Variants in GRAMD2A observed in about 807,000 individuals in gnomAD.
The protein encoded by GRAMD2A is GRAM domain-containing protein 2A.
GRAMD2A carries 37 observed loss-of-function variants against 51.1 expected under a neutral mutation model. The observed-to-expected ratio is 0.72, with a 90% confidence interval of 0.56 to 0.95. The LOEUF (loss-of-function observed/expected upper bound fraction) is 0.95. Among genes scored for constraint, GRAMD2A ranks in the 40% least tolerant of loss-of-function variants. The pLI is 0.00. For missense variants in GRAMD2A, 414 were observed against 426.9 expected (o/e 0.97, Z 0.27); for synonymous variants, 136 against 157.1 (o/e 0.87, Z 1.01).
chr15:72,188,722 G>A (rs760609055), intron 1 of GRAMD2A, among the ~76,000 whole-genome samples: 6 of 151,020 alleles, frequency 4.0e-5, no homozygotes, highest in Middle Eastern at 3.2e-3. Flanking sequence ...TTGCTCTGTC[G>A]CCCAAGGTGG....
rs750593494 is a variant in GRAMD2A, at chr15:72,163,621, G to A, written c.737C>T (p.Pro246Leu). 5.6e-5 allele frequency: 89 copies of A among 1,596,776 alleles called. No individual in the cohort carries two copies. Among genetic ancestry groups the A allele is most frequent in the Non-Finnish European group, 7.2e-5 (85 of 1,174,194 alleles). The change falls in exon 9 of 12, where the codon CCA (proline) becomes CTA (leucine). Residue 246 changes from proline to leucine, a missense_variant. Coordinates refer to ENST00000309731, the MANE Select transcript of GRAMD2A (RefSeq NM_001012642.3). ...AGCCCTCCCGAACTTACCAGACATT[G>A]GAGGCTTCCTGGAGGGGAAGAAACT... ...TDSFFPSRKP[P>L]MSEKSRAQVA...
In GRAMD2A at chr15:72,161,717, T is replaced by C; in HGVS notation, c.*292A>G. On this transcript the variant is annotated 3_prime_UTR_variant, in exon 12 of 12. Coordinates refer to ENST00000309731, the MANE Select transcript of GRAMD2A (RefSeq NM_001012642.3). ...GACCCAGTTTGTTTGTTTGTTTGTT[T>C]TCTCTAAGTGTTTGCTGAAGCTTTG... 1 of 412,438 alleles carries C rather than the reference T, an allele frequency of 2.4e-6. No individual in the cohort carries two copies. The highest frequency in any genetic ancestry group is 4.5e-6 in the Non-Finnish European group (1 of 221,890). The allele number at this position is 412,438 out of a possible 1,614,324, so 25.5% of individuals were successfully genotyped here. A position where few individuals can be genotyped will look rare whatever the true frequency, so the allele number is the denominator to read the frequency against.
intron 5 of GRAMD2A, 133 bp from the exon 6 acceptor site, chr15:72,167,225 T>A: frequency 1.5e-6 from 1 of 687,826 alleles, no homozygotes; most frequent in Non-Finnish European, 2.6e-6. Flanking sequence ...GGGAAGTCTC[T>A]GAACCTTCTA....
Position 72,168,525 on chromosome 15 carries a change from A to G in GRAMD2A, c.234T>C (p.Phe78=), listed in dbSNP as rs138373510. ...NKYNQQYHKL[F]KDVPLEEVVL... ...CCACTTCCTCCAAGGGAACATCCTT[A>G]AACAGCTTGTGGTATTGCTGGTTGT... The change falls in exon 4 of 12, where the codon TTT becomes TTC. Residue 78 remains phenylalanine (F), a synonymous_variant. Coordinates refer to ENST00000309731, the MANE Select transcript of GRAMD2A (RefSeq NM_001012642.3). 88 of 1,613,884 alleles carry G rather than the reference A, an allele frequency of 5.5e-5. No individual in the cohort carries two copies. In the African/African-American group the frequency reaches 1.0e-3, roughly 19 times the overall value.
rs1269127188 is a variant in GRAMD2A, at chr15:72,170,028, G to T, written c.42-89C>A. ...CACCATGCCCATGGCCGCTGCCTCT[G>T]GCCCCCACCCAAGACTGGCCCTGAT... On this transcript the variant is annotated intron_variant, in intron 1 of 11. Transcript: ENST00000309731. The surrounding 1 kb of genome is among the most constrained non-coding windows in gnomAD (Gnocchi z 4.5). The T allele has an allele frequency of 1.1e-6, 1 of 924,590 alleles. No homozygotes were observed. Among genetic ancestry groups the T allele is most frequent in the East Asian group, 2.4e-5 (1 of 41,828 alleles). The allele number at this position is 924,590 out of a possible 1,614,324, so 57.3% of individuals were successfully genotyped here. A position where few individuals can be genotyped will look rare whatever the true frequency, so the allele number is the denominator to read the frequency against.
At chr15:72,177,570 C>T (rs28608778) in intron 1 of GRAMD2A, among the ~76,000 whole-genome samples, 2 of 152,180 alleles carry the variant, frequency 1.3e-5, no homozygotes, top group African/African-American at 4.8e-5. Flanking sequence ...TTTATTTATT[C>T]GTTTTACTAC....
chr15:72,167,679 G>C, intron 5 of GRAMD2A, 57 bp downstream of exon 5: 3 of 1,322,600 alleles, frequency 2.3e-6, no homozygotes, highest in Middle Eastern at 2.0e-4. Flanking sequence ...CATGCCCGTG[G>C]GGCAGGAGGC....
At chr15:72,162,072 C>T in intron 11 of GRAMD2A, 60 bp from the exon 12 acceptor site, 1 of 1,601,528 alleles carries the variant, frequency 6.2e-7, no homozygotes, top group Admixed American at 1.7e-5. Context: ...CGGACGTGGG[C>T]AGAAGGGCCA....
chr15:72,188,182 C>T (rs1451388684), intron 1 of GRAMD2A, among the ~76,000 whole-genome samples: 1 of 151,950 alleles, frequency 6.6e-6, no homozygotes, highest in Middle Eastern at 3.2e-3. Context: ...ACTAAAAATA[C>T]AAAAATTAGC....
In GRAMD2A at chr15:72,163,492, G is replaced by GA. The variant is rs138790326; in HGVS notation, c.746-17dup. On this transcript the variant is annotated splice_polypyrimidine_tract_variant and intron_variant, in intron 9 of 11. Coordinates refer to ENST00000309731, the MANE Select transcript of GRAMD2A (RefSeq NM_001012642.3). ...CTTGACTTTTCTTTATGGATTGGGA[G>GA]AAAAAAAAAATCAGCTCTCAGAAGC... 2,200 of 1,520,672 alleles carry GA rather than the reference G, an allele frequency of 1.4e-3. No homozygotes were observed. Among genetic ancestry groups the GA allele is most frequent in the Non-Finnish European group, 1.7e-3 (1,840 of 1,113,278 alleles). 94.2% of individuals were successfully genotyped at this position (1,520,672 alleles called of 1,614,324 possible). A position where few individuals can be genotyped will look rare whatever the true frequency, so the allele number is the denominator to read the frequency against.
rs756760389 is a variant in GRAMD2A at position 72,169,010 on chromosome 15, A to T, written c.135-14T>A. 1 of 1,613,752 alleles carries T rather than the reference A, an allele frequency of 6.2e-7. No homozygotes were observed. Among genetic ancestry groups the T allele is most frequent in the Admixed American group, 1.7e-5 (1 of 60,032 alleles). On this transcript the variant is annotated splice_polypyrimidine_tract_variant and intron_variant, in intron 2 of 11. Transcript: ENST00000309731. ...GGCCAGTGCAGACTGCAAAGGAGAC[A>T]TTCCATTTCGGGAACAAGGAACCCC...
Position 72,166,492 on chromosome 15 carries a change from T to C in GRAMD2A, c.543+140A>G, listed in dbSNP as rs182380749. On this transcript the variant is annotated intron_variant, in intron 7 of 11. Coordinates refer to ENST00000309731, the MANE Select transcript of GRAMD2A (RefSeq NM_001012642.3). The surrounding 1 kb of genome is among the most constrained non-coding windows in gnomAD (Gnocchi z 4.1). ...AATCCAAGTACTGTCTCTTGTACATTGAGCCTGAGCCTTTAACTCCCCTCT... is the reference window on the plus strand; with the variant it reads ...AATCCAAGTACTGTCTCTTGTACATCGAGCCTGAGCCTTTAACTCCCCTCT... 1.9e-4 allele frequency: 127 copies of C among 674,126 alleles called. 1 individual carries two copies. Among genetic ancestry groups the C allele is most frequent in the Middle Eastern group, 1.7e-3 (4 of 2,418 alleles). 41.8% of individuals were successfully genotyped at this position (674,126 alleles called of 1,614,324 possible). A position where few individuals can be genotyped will look rare whatever the true frequency, so the allele number is the denominator to read the frequency against.
At chr15:72,195,395 G>A (rs574241041) in intron 1 of GRAMD2A, among the ~76,000 whole-genome samples, 21 of 152,292 alleles carry the variant, frequency 1.4e-4, no homozygotes, top group African/African-American at 4.3e-4. Flanking sequence ...AACATGGTCC[G>A]TGGCAGGCAA....
chr15:72,177,960 T>C (rs2081667129), intron 1 of GRAMD2A, among the ~76,000 whole-genome samples: 1 of 152,164 alleles, frequency 6.6e-6, no homozygotes, highest in Non-Finnish European at 1.5e-5. Flanking sequence ...ACCCCTCACT[T>C]CAAGTGATCC....
At chr15:72,176,475 C>T (rs979366944) in intron 1 of GRAMD2A, 2 of 152,740 alleles carry the variant, frequency 1.3e-5, no homozygotes, top group Admixed American at 6.5e-5. Flanking sequence ...AAAGACAGCT[C>T]CACCCTTTTG....
rs185993887 is a variant in GRAMD2A at position 72,171,841 on chromosome 15, T to A, written c.42-1902A>T. On this transcript the variant is annotated intron_variant, in intron 1 of 11. Transcript: ENST00000309731. ...AATTTTTTCTGGCTTTTTTATTTTT[T>A]TTTTTTGAGATGGAGTCTCTCTCTG... Among the ~76,000 whole-genome samples, 209 of 151,284 alleles carry A rather than the reference T, an allele frequency of 1.4e-3. 2 individuals carry two copies. The highest frequency in any genetic ancestry group is 2.3e-3 in the South Asian group (11 of 4,750).
At position 72,196,958 on chromosome 15, in the gene GRAMD2A, C is replaced by T. The variant is rs1273308402; in HGVS notation, c.41+773G>A. Among the ~76,000 whole-genome samples, 4 of 152,192 alleles carry T rather than the reference C, an allele frequency of 2.6e-5. No individual in the cohort carries two copies. The East Asian group carries it at 7.7e-4, about 29-fold the overall frequency. On this transcript the variant is annotated intron_variant, in intron 1 of 11. Transcript: ENST00000309731. The stretch of plus-strand genomic sequence containing the variant: ...ATGCCAGGCTGTACCCGACCTTAGG[C>T]TGTGCGGCTTGGAACCTGGACCGGG...
At chr15:72,167,607 T>G (rs1296945543) in intron 5 of GRAMD2A, 129 bp downstream of exon 5, 1 of 746,928 alleles carries the variant, frequency 1.3e-6, no homozygotes, top group African/African-American at 1.8e-5. Context: ...AAGCTGCGCA[T>G]CCAACCAGCA....
chr15:72,183,502 G>A lies in GRAMD2A; in HGVS notation c.42-13563C>T, dbSNP rs527694855. ...TGCACTCCAGCCTGGGCGACAGAGC[G>A]AGACCATGTCTCCATTAAAAACAAC... On this transcript the variant is annotated intron_variant, in intron 1 of 11. Coordinates refer to ENST00000309731, the MANE Select transcript of GRAMD2A (RefSeq NM_001012642.3). Among the ~76,000 whole-genome samples, 25 of 150,142 alleles carry A rather than the reference G, an allele frequency of 1.7e-4. 1 individual carries two copies. The highest frequency in any genetic ancestry group is 1.0e-3 in the Admixed American group (15 of 14,984).
Sources: gnomAD v4.1 joint callset for allele counts (sites outside exome capture counted in the v4.1 genomes callset) on GRCh38, gnomAD v4.1.1 for gene constraint, Gnocchi (gnomAD v3.1) non-coding constraint, MANE v1.5 for transcripts, NCBI Gene and HGNC (gene_info 2026-07-23, HGNC 2026-07-21) for gene names.